The following SPATA6 variants were observed in gnomAD, a reference collection of about 807,000 sequenced individuals.
SPATA6 encodes the protein spermatogenesis associated 6.
Under a neutral mutation model 65.3 loss-of-function variants are expected in SPATA6, and 56 were observed. The observed-to-expected ratio is 0.86, with a 90% CI of 0.69 to 1.07. The LOEUF (loss-of-function observed/expected upper bound fraction) is 1.07. Among genes scored for constraint, SPATA6 ranks in the 50% least tolerant of loss-of-function variants. The pLI is 0.00. For missense variants in SPATA6, 590 were observed against 594.8 expected (o/e 0.99, Z 0.08); for synonymous variants, 199 against 213.2 (o/e 0.93, Z 0.58).
chr1:48,279,070 C>T, the SPATA6 span, among the ~76,000 whole-genome samples: 8 of 152,222 alleles, frequency 5.3e-5, 1 homozygote, highest in African/African-American at 9.6e-5. Flanking sequence ...AATTTCATAT[C>T]CAGCCAAACT....
chr1:48,265,801 C>A, the SPATA6 span, among the ~76,000 whole-genome samples: 1 of 152,124 alleles, frequency 6.6e-6, no homozygotes, highest in Non-Finnish European at 1.5e-5. Context: ...GGATTTGGAA[C>A]CACTGACCTT....
intron 11 of SPATA6, among the ~76,000 whole-genome samples, chr1:48,342,187 C>G (rs1277424820): frequency 6.6e-6 from 1 of 152,076 alleles, no homozygotes; most frequent in Admixed American, 6.6e-5. Flanking sequence ...TGAGATCAGT[C>G]ATGGGTAACA....
chr1:48,358,113 T>C (rs1166792036), intron 10 of SPATA6, among the ~76,000 whole-genome samples: 1 of 152,022 alleles, frequency 6.6e-6, no homozygotes, highest in Non-Finnish European at 1.5e-5. Flanking sequence ...CACACTGAAA[T>C]ATGAATAAAG....
At chr1:48,461,277 G>A (rs148534740) in intron 1 of SPATA6, among the ~76,000 whole-genome samples, 8,666 of 152,002 alleles carry the variant, frequency 0.057, 362 homozygotes, top group African/African-American at 0.11. Flanking sequence ...ATTTTCTCCC[G>A]TTTTGTAGGT....
intron 11 of SPATA6, among the ~76,000 whole-genome samples, chr1:48,311,838 A>T (rs1164888326): frequency 2.0e-5 from 3 of 152,162 alleles, no homozygotes. Flanking sequence ...AGGGTGACAG[A>T]TGGTACCTGG....
At chr1:48,340,056 C>T (rs1646166059) in intron 11 of SPATA6, among the ~76,000 whole-genome samples, 1 of 151,544 alleles carries the variant, frequency 6.6e-6, no homozygotes, top group Non-Finnish European at 1.5e-5. Context: ...AAGAATAAGA[C>T]TAACAACACA....
chr1:48,273,964 G>A, the SPATA6 span, among the ~76,000 whole-genome samples: 1 of 152,192 alleles, frequency 6.6e-6, no homozygotes, highest in African/African-American at 2.4e-5. Flanking sequence ...CCCCAACAGT[G>A]TAAAAGCATT....
At chr1:48,424,959 T>C (rs1384045226) in intron 3 of SPATA6, among the ~76,000 whole-genome samples, 1 of 152,204 alleles carries the variant, frequency 6.6e-6, no homozygotes, top group East Asian at 1.9e-4. Flanking sequence ...ACTTTGCTGT[T>C]TGTATTCTTT....
rs58072004 is a variant in SPATA6, at chr1:48,299,516, G to GAAAAAAAAAAAAAAAAAAAAAAAA, written c.1287-624_1287-623insTTTTTTTTTTTTTTTTTTTTTTTT. 1.0e-4 allele frequency among the ~76,000 whole-genome samples: 4 copies of GAAAAAAAAAAAAAAAAAAAAAAAA among 38,188 alleles called. 1 individual carries two copies. Among genetic ancestry groups the GAAAAAAAAAAAAAAAAAAAAAAAA allele is most frequent in the African/African-American group, 1.7e-4 (2 of 11,532 alleles). The allele number at this position is 38,188 out of a possible 152,430, so 25.1% of individuals were successfully genotyped here. On this transcript the variant is annotated intron_variant, in intron 12 of 12. Coordinates refer to ENST00000371847, the MANE Select transcript of SPATA6 (RefSeq NM_019073.4). ...ACAACAAGAGCAAAACTCCGTCTCGGAAAAAAAAAAAAAAAAAAAAAGAAT... is the reference window on the plus strand; with the variant it reads ...ACAACAAGAGCAAAACTCCGTCTCGGAAAAAAAAAAAAAAAAAAAAAAAAAAAAAAAAAAAAAAAAAAAAAGAAT...
the SPATA6 span, among the ~76,000 whole-genome samples, chr1:48,277,215 G>C: frequency 6.6e-6 from 1 of 151,608 alleles, no homozygotes; most frequent in East Asian, 1.9e-4. Context: ...TGGCCAAATA[G>C]GAACCGCTCC....
chr1:48,427,485 T>A (rs1364085603), intron 3 of SPATA6, among the ~76,000 whole-genome samples: 1 of 150,086 alleles, frequency 6.7e-6, no homozygotes, highest in African/African-American at 2.4e-5. Flanking sequence ...TTCAGGAAAC[T>A]TTGCTGAAAT....
intron 1 of SPATA6, among the ~76,000 whole-genome samples, chr1:48,465,769 T>A (rs756719740): frequency 1.2e-4 from 19 of 152,076 alleles, no homozygotes; most frequent in Admixed American, 2.0e-4. Flanking sequence ...TCTGGTGCCA[T>A]GATTTTCCAA....
At chr1:48,316,083 A>G (rs909559560) in intron 11 of SPATA6, among the ~76,000 whole-genome samples, 1 of 152,236 alleles carries the variant, frequency 6.6e-6, no homozygotes, top group Non-Finnish European at 1.5e-5. Flanking sequence ...GGAAGAATCA[A>G]TATCATGAAA....
chr1:48,420,318 A>T (rs760200786), intron 3 of SPATA6, among the ~76,000 whole-genome samples: 2 of 152,146 alleles, frequency 1.3e-5, no homozygotes, highest in Non-Finnish European at 1.5e-5. Context: ...ATAAACTGGT[A>T]AACATAGGTT....
At chr1:48,372,012 A>C (rs1647332846) in intron 9 of SPATA6, among the ~76,000 whole-genome samples, 1 of 152,170 alleles carries the variant, frequency 6.6e-6, no homozygotes, top group African/African-American at 2.4e-5. Flanking sequence ...TGGGAGATAC[A>C]ATTCAAGTTA....
At chr1:48,469,189 T>C (rs897820266) in intron 1 of SPATA6, among the ~76,000 whole-genome samples, 1 of 152,152 alleles carries the variant, frequency 6.6e-6, no homozygotes, top group Non-Finnish European at 1.5e-5. Flanking sequence ...AGTATCATTA[T>C]GTCAATTTAT....
chr1:48,453,236 C>G, intron 1 of SPATA6, 105 bp from the exon 2 acceptor site: 1 of 1,233,322 alleles, frequency 8.1e-7, no homozygotes, highest in East Asian at 2.7e-5. Flanking sequence ...GTCTGGTAAT[C>G]TAATAAAAAA....
At chr1:48,425,041 G>A (rs1430039270) in intron 3 of SPATA6, among the ~76,000 whole-genome samples, 2 of 152,054 alleles carry the variant, frequency 1.3e-5, no homozygotes, top group African/African-American at 4.8e-5. Context: ...GTGCTTGAGG[G>A]GTAGTGCTCA....
chr1:48,384,854 T>C lies in SPATA6; in HGVS notation c.909+455A>G, dbSNP rs59017168. On this transcript the variant is annotated intron_variant, in intron 9 of 12. Transcript: ENST00000371847. ...TACATGTAAAGCATGTGATACTGGA[T>C]TTTCATTTATCACAGTGAGTAAACA... Among the ~76,000 whole-genome samples, 658 of 152,118 alleles carry C rather than the reference T, an allele frequency of 4.3e-3. 5 individuals carry two copies. Among genetic ancestry groups the C allele is most frequent in the African/African-American group, 0.015 (641 of 41,418 alleles).
Sources: gnomAD v4.1 joint callset for allele counts (sites outside exome capture counted in the v4.1 genomes callset) on GRCh38, gnomAD v4.1.1 for gene constraint, MANE v1.5 for transcripts, NCBI Gene and HGNC (gene_info 2026-07-23, HGNC 2026-07-21) for gene names.